Variants in NREP observed in about 807,000 individuals in gnomAD.
NREP encodes the protein neuronal regeneration-related protein.
A neutral mutation model predicts 8.6 loss-of-function variants in NREP; 5 were observed. That is an observed-to-expected ratio of 0.58 (90% CI 0.30 to 1.22). The LOEUF is 1.22. Ranked by LOEUF, NREP falls within the 50% of genes most tolerant of loss-of-function variation. The pLI is 0.07. For missense variants in NREP, 86 were observed against 82.5 expected, an observed-to-expected ratio of 1.04 and a Z score of -0.17; for synonymous variants, 27 against 28.0, an observed-to-expected ratio of 0.96 and a Z score of 0.11.
intron 2 of NREP, among the ~76,000 whole-genome samples, chr5:111,909,174 G>A (rs1372533929): frequency 1.3e-5 from 2 of 151,954 alleles, no homozygotes; most frequent in Non-Finnish European, 2.9e-5. Context: ...TCTGTAGGTT[G>A]TCTGTTTACT....
chr5:111,826,410 G>A (rs1477019337), intron 2 of NREP, among the ~76,000 whole-genome samples: 1 of 152,208 alleles, frequency 6.6e-6, no homozygotes, highest in Non-Finnish European at 1.5e-5. Flanking sequence ...TCTGGCTGCT[G>A]CTCAGTGTTT....
At chr5:111,845,776 C>G (rs1046480008) in intron 2 of NREP, among the ~76,000 whole-genome samples, 1 of 151,606 alleles carries the variant, frequency 6.6e-6, no homozygotes, top group East Asian at 1.9e-4. Flanking sequence ...ACTAACATGA[C>G]CAAAGGTGTT....
intron 2 of NREP, among the ~76,000 whole-genome samples, chr5:111,821,253 C>T (rs1752507590): frequency 6.6e-6 from 1 of 151,966 alleles, no homozygotes; most frequent in Non-Finnish European, 1.5e-5. Flanking sequence ...TTTTTGTATT[C>T]CTGATTAGGA....
chr5:111,823,593 T>C (rs1428019043), intron 2 of NREP, among the ~76,000 whole-genome samples: 2 of 152,214 alleles, frequency 1.3e-5, no homozygotes, highest in African/African-American at 2.4e-5. Flanking sequence ...TGTTATTTAA[T>C]AGACAAGTAT....
At chr5:111,778,614 G>A (rs1003787820) in intron 2 of NREP, among the ~76,000 whole-genome samples, 1 of 152,008 alleles carries the variant, frequency 6.6e-6, no homozygotes, top group Non-Finnish European at 1.5e-5. Flanking sequence ...TTCTTAATTT[G>A]CTAATGTATT....
At chr5:111,944,461 C>T (rs149608692) in intron 2 of NREP, among the ~76,000 whole-genome samples, 1,702 of 152,148 alleles carry the variant, frequency 0.011, 30 homozygotes, top group African/African-American at 0.038. Flanking sequence ...GCATGTACCA[C>T]CATGCCTGAA....
chr5:111,854,227 C>A (rs1328050065), intron 2 of NREP, among the ~76,000 whole-genome samples: 1 of 152,180 alleles, frequency 6.6e-6, no homozygotes, highest in African/African-American at 2.4e-5. Flanking sequence ...GTCATAAAGT[C>A]TGTGAAAAAT....
intron 2 of NREP, among the ~76,000 whole-genome samples, chr5:111,741,530 A>T (rs986103907): frequency 2.0e-5 from 3 of 152,146 alleles, no homozygotes; most frequent in African/African-American, 7.2e-5. Flanking sequence ...ACAACATTAC[A>T]TCAAAGATTA....
At chr5:111,872,615 G>A (rs1398975528) in intron 2 of NREP, among the ~76,000 whole-genome samples, 2 of 152,172 alleles carry the variant, frequency 1.3e-5, no homozygotes, top group South Asian at 4.1e-4. Context: ...TCTGGAATAT[G>A]GTCCTATCTG....
intron 2 of NREP, among the ~76,000 whole-genome samples, chr5:111,940,960 A>C (rs1274034368): frequency 1.3e-5 from 2 of 152,134 alleles, no homozygotes; most frequent in African/African-American, 4.8e-5. Context: ...TAATGTCTTC[A>C]ATAAGTCTTC....
At chr5:111,934,346 A>G (rs1755624597) in intron 2 of NREP, among the ~76,000 whole-genome samples, 2 of 152,114 alleles carry the variant, frequency 1.3e-5, no homozygotes, top group South Asian at 4.2e-4. Context: ...AGATAAGCTT[A>G]CCATATAGGG....
At chr5:111,907,116 A>G (rs1184344535) in intron 2 of NREP, among the ~76,000 whole-genome samples, 1 of 151,968 alleles carries the variant, frequency 6.6e-6, no homozygotes. Flanking sequence ...AAGTCTTACA[A>G]ATATTTTCTC....
intron 2 of NREP, among the ~76,000 whole-genome samples, chr5:111,744,470 T>C (rs1488208607): frequency 6.6e-6 from 1 of 152,112 alleles, no homozygotes; most frequent in Non-Finnish European, 1.5e-5. Context: ...ATCCACATGC[T>C]ATTTAAATGC....
chr5:111,827,426 T>C (rs1752655012), intron 2 of NREP, among the ~76,000 whole-genome samples: 1 of 152,196 alleles, frequency 6.6e-6, no homozygotes, highest in Non-Finnish European at 1.5e-5. Context: ...AGTCAAAGAT[T>C]TTTACAAAAT....
chr5:111,949,707 G>C (rs1422808577), intron 2 of NREP, among the ~76,000 whole-genome samples: 1 of 151,958 alleles, frequency 6.6e-6, no homozygotes, highest in Non-Finnish European at 1.5e-5. Flanking sequence ...GTGTTAGTTT[G>C]CTGAAAATGA....
chr5:111,881,241 G>C (rs920403752), intron 2 of NREP, among the ~76,000 whole-genome samples: 38 of 152,212 alleles, frequency 2.5e-4, no homozygotes, highest in Non-Finnish European at 8.8e-5. Context: ...AGCAGTCTGA[G>C]ATCAAACTGC....
At chr5:111,883,486 A>G (rs1413213634) in intron 2 of NREP, among the ~76,000 whole-genome samples, 1 of 152,230 alleles carries the variant, frequency 6.6e-6, no homozygotes, top group East Asian at 1.9e-4. Context: ...ATAGACATCT[A>G]CAGAACTCTC....
At chr5:111,801,964 T>C (rs1287858577) in intron 2 of NREP, among the ~76,000 whole-genome samples, 1 of 152,142 alleles carries the variant, frequency 6.6e-6, no homozygotes, top group African/African-American at 2.4e-5. Flanking sequence ...GCAAATGACA[T>C]AGGCAGCTCT....
chr5:111,846,425 T>A (rs1188750341), intron 2 of NREP: 1 of 95,414 alleles, frequency 1.0e-5, no homozygotes, highest in Non-Finnish European at 2.1e-5. Context: ...GTTTGCTTTT[T>A]TTTTTTTTTT....
Sources: allele counts gnomAD v4.1 joint callset (sites outside exome capture counted in the v4.1 genomes callset), GRCh38; gene constraint gnomAD v4.1.1; transcripts MANE v1.5; gene names NCBI Gene and HGNC (gene_info 2026-07-23, HGNC 2026-07-21).